Variants in EPB41L2 observed in about 807,000 individuals in gnomAD.
EPB41L2 encodes erythrocyte membrane protein band 4.1 like 2, also known as band 4.1-like protein 2.
In EPB41L2, 43 loss-of-function variants were observed where a neutral mutation model predicts 113.0. The observed-to-expected ratio is 0.38, with a 90% CI of 0.30 to 0.49. EPB41L2 has a LOEUF of 0.49. Among genes scored for constraint, EPB41L2 ranks in the 20% least tolerant of loss-of-function variants. The pLI is 0.95. For missense variants in EPB41L2, 1,147 were observed against 1,223.4 expected, an observed-to-expected ratio of 0.94 and a Z score of 0.93; for synonymous variants, 442 against 436.7, an observed-to-expected ratio of 1.01 and a Z score of -0.15.
rs944689922 is a variant in EPB41L2, at chr6:131,063,222, C to G, written c.-82G>C. 5 of 152,654 alleles carry G rather than the reference C, an allele frequency of 3.3e-5. No homozygotes were observed. The highest frequency in any genetic ancestry group is 5.8e-5 in the Non-Finnish European group (4 of 68,488). The allele number at this position is 152,654 out of a possible 1,614,324, so 9.5% of individuals were successfully genotyped here. On this transcript the variant is annotated 5_prime_UTR_variant, in exon 1 of 20. Transcript: ENST00000337057. ...CAGCCGCCGGCAGCCGCGCCTGCCT[C>G]CTCCCTCCGCTAGGTTTCAAATTGA...
chr6:130,988,837 C>A (rs901475675), intron 1 of EPB41L2, among the ~76,000 whole-genome samples: 1 of 152,166 alleles, frequency 6.6e-6, no homozygotes, highest in Non-Finnish European at 1.5e-5. Context: ...GCCTGTAATC[C>A]CAGCACTTTG....
chr6:130,843,834 A>G (rs1170477401), intron 19 of EPB41L2, among the ~76,000 whole-genome samples: 3 of 152,236 alleles, frequency 2.0e-5, no homozygotes, highest in Non-Finnish European at 4.4e-5. Flanking sequence ...CTTCAAGGAT[A>G]TATGTTGGTT....
chr6:130,886,688 C>T (rs1791108545), intron 11 of EPB41L2, among the ~76,000 whole-genome samples: 1 of 152,138 alleles, frequency 6.6e-6, no homozygotes, highest in Non-Finnish European at 1.5e-5. Context: ...GGCTGGAGTG[C>T]AGTGGTGCAA....
At chr6:130,901,809 C>T (rs143345889) in intron 6 of EPB41L2, among the ~76,000 whole-genome samples, 27 of 152,240 alleles carry the variant, frequency 1.8e-4, no homozygotes, top group Non-Finnish European at 3.1e-4. Flanking sequence ...ACCTATAAGA[C>T]GCTAAGAACT....
At chr6:130,885,815 G>A (rs1183232131) in intron 11 of EPB41L2, among the ~76,000 whole-genome samples, 1 of 152,106 alleles carries the variant, frequency 6.6e-6, no homozygotes, top group African/African-American at 2.4e-5. Context: ...CTATATTTAT[G>A]TTTAATATTT....
chr6:130,878,373 C>T (rs1457959421), intron 13 of EPB41L2, 123 bp from the exon 14 acceptor site: 7 of 1,137,286 alleles, frequency 6.2e-6, no homozygotes, highest in Non-Finnish European at 8.5e-6. Context: ...CATAGTAAAG[C>T]AAGAAAAATG....
Position 130,938,033 on chromosome 6 carries a change from C to G in EPB41L2, c.706-11324G>C, listed in dbSNP as rs1035115707. 1.3e-5 allele frequency among the ~76,000 whole-genome samples: 2 copies of G among 152,128 alleles called. 1 individual carries two copies. The highest frequency in any genetic ancestry group is 4.1e-4 in the South Asian group (2 of 4,826). The stretch of plus-strand genomic sequence containing the variant: ...AGTGCTTATTCTTTTAAAAACTAAC[C>G]AAAGTAGAAGACAAGTTACAATGCA... On this transcript the variant is annotated intron_variant, in intron 3 of 19. Coordinates refer to ENST00000337057, the MANE Select transcript of EPB41L2 (RefSeq NM_001431.4).
At chr6:130,956,539 G>A (rs1817505290) in intron 1 of EPB41L2, 40 bp from the exon 2 acceptor site, 3 of 1,541,872 alleles carry the variant, frequency 1.9e-6, no homozygotes, top group East Asian at 2.3e-5. Context: ...CATTTTGTAA[G>A]TTCTCTCAAA....
chr6:131,055,986 G>A (rs1038955511), intron 1 of EPB41L2, among the ~76,000 whole-genome samples: 3 of 152,160 alleles, frequency 2.0e-5, no homozygotes, highest in Non-Finnish European at 4.4e-5. Context: ...CAGCTGATGC[G>A]TGACAGCACC....
intron 1 of EPB41L2, among the ~76,000 whole-genome samples, chr6:131,003,689 T>C (rs1286546498): frequency 6.6e-6 from 1 of 152,210 alleles, no homozygotes; most frequent in Non-Finnish European, 1.5e-5. Context: ...AACCATCATA[T>C]TGTCATCTCC....
chr6:130,957,905 T>C (rs1319910074), intron 1 of EPB41L2, among the ~76,000 whole-genome samples: 1 of 152,228 alleles, frequency 6.6e-6, no homozygotes, highest in Non-Finnish European at 1.5e-5. Context: ...CTTACGAATA[T>C]ATCCAAAACC....
chr6:130,926,711 T>C lies in EPB41L2; in HGVS notation c.706-2A>G. On this transcript the variant is annotated splice_acceptor_variant, in intron 3 of 19. Transcript: ENST00000337057. LOFTEE classifies it high-confidence loss of function. Reference sequence around the variant, plus strand: ...TAACACTTGTCCCTTGGCATGTTTCTGGAGAAAAAATAATAACTTTACTTT... The same window carrying C: ...TAACACTTGTCCCTTGGCATGTTTCCGGAGAAAAAATAATAACTTTACTTT... The C allele has an allele frequency of 6.3e-7, 1 of 1,584,862 alleles. No homozygotes were observed. The highest frequency in any genetic ancestry group is 8.6e-7 in the Non-Finnish European group (1 of 1,169,106).
intron 3 of EPB41L2, among the ~76,000 whole-genome samples, chr6:130,928,526 C>T (rs1805582774): frequency 6.6e-6 from 1 of 152,240 alleles, no homozygotes; most frequent in Non-Finnish European, 1.5e-5. Flanking sequence ...AAATACACCT[C>T]AGTTCAAGGA....
In EPB41L2 at chr6:130,900,981, C is replaced by T. The variant is rs139628781; in HGVS notation, c.1129G>A (p.Glu377Lys). Residue 377 changes from glutamate (E) to lysine (K), a missense_variant, in exon 7 of 20, where the codon GAG becomes AAG. Transcript: ENST00000337057. ...ACAGACCTGTGGGTTTTGTGCAGCT[C>T]TGCCACCTTCTCTTCCAGCTCCTTA... ...QTKELEEKVA[E>K]LHKTHRGLSP... 1 of 1,614,026 alleles carries T rather than the reference C, an allele frequency of 6.2e-7. No homozygotes were observed. The highest frequency in any genetic ancestry group is 1.3e-5 in the African/African-American group (1 of 74,916).
chr6:130,921,941 A>C (rs927322578), intron 4 of EPB41L2, among the ~76,000 whole-genome samples: 13 of 152,244 alleles, frequency 8.5e-5, no homozygotes, highest in Non-Finnish European at 1.8e-4. Flanking sequence ...CCCTGCTGGA[A>C]GCACAGCCCA....
chr6:130,921,650 T>C (rs1228159210), intron 4 of EPB41L2, among the ~76,000 whole-genome samples: 1 of 152,196 alleles, frequency 6.6e-6, no homozygotes, highest in Admixed American at 6.5e-5. Flanking sequence ...ATAGCTATAA[T>C]AGAATGTCAA....
intron 1 of EPB41L2, among the ~76,000 whole-genome samples, chr6:130,992,985 T>C (rs911103396): frequency 6.6e-6 from 1 of 152,230 alleles, no homozygotes; most frequent in Non-Finnish European, 1.5e-5. Context: ...GTCTTCTTAC[T>C]CACCTTTGAA....
chr6:130,924,719 G>C (rs139750275), intron 4 of EPB41L2, among the ~76,000 whole-genome samples: 1 of 152,198 alleles, frequency 6.6e-6, no homozygotes, highest in Non-Finnish European at 1.5e-5. Flanking sequence ...CTTCCACACT[G>C]TTTTCCAGAG....
intron 1 of EPB41L2, among the ~76,000 whole-genome samples, chr6:131,046,332 G>A (rs1795455773): frequency 6.6e-6 from 1 of 152,086 alleles, no homozygotes; most frequent in African/African-American, 2.4e-5. Context: ...CCACCTAAGA[G>A]AAAACAGACA....
Sources: gnomAD v4.1 joint callset for allele counts (sites outside exome capture counted in the v4.1 genomes callset) on GRCh38, gnomAD v4.1.1 for gene constraint, MANE v1.5 for transcripts, NCBI Gene and HGNC (gene_info 2026-07-23, HGNC 2026-07-21) for gene names.